SCMH1: variants seen among roughly 807,000 people sequenced by gnomAD.
SCMH1 encodes Scm polycomb group protein homolog 1.
Under a neutral mutation model 70.8 loss-of-function variants are expected in SCMH1, and 37 were observed. The ratio of observed to expected loss-of-function variants is 0.52; its 90% CI spans 0.40 to 0.69. SCMH1 has a LOEUF of 0.69. Among genes scored for constraint, SCMH1 ranks in the 30% least tolerant of loss-of-function variants. The pLI is 0.00. For synonymous variants in SCMH1, 292 were observed against 307.4 expected (o/e 0.95, Z 0.52); for missense variants, 607 against 827.3 (o/e 0.73, Z 3.27).
At chr1:41,133,059 T>C (rs1042247999) in intron 6 of SCMH1, among the ~76,000 whole-genome samples, 1 of 151,322 alleles carries the variant, frequency 6.6e-6, no homozygotes, top group African/African-American at 2.5e-5. Context: ...TTTAAAGTAG[T>C]TTTTTCCCAT....
rs1189673707 is a variant in SCMH1, at chr1:41,200,541, C to T, written c.-117-14291G>A. Reference sequence around the variant, plus strand: ...TATAATAATAATAATAATAATAATGCTTGTGAGGAAAACAGAGTTAGGAAT... The same window carrying T: ...TATAATAATAATAATAATAATAATGTTTGTGAGGAAAACAGAGTTAGGAAT... On this transcript the variant is annotated intron_variant, in intron 1 of 14. Transcript: ENST00000337495. Among the ~76,000 whole-genome samples, 5 of 148,418 alleles carry T rather than the reference C, an allele frequency of 3.4e-5. No individual in the cohort carries two copies. In the East Asian group the frequency reaches 9.8e-4, roughly 29 times the overall value.
intron 8 of SCMH1, among the ~76,000 whole-genome samples, chr1:41,083,127 C>T (rs964211105): frequency 6.6e-6 from 1 of 152,054 alleles, no homozygotes; most frequent in African/African-American, 2.4e-5. Context: ...CTGGCCAGGG[C>T]AATTAGGCAG....
intron 8 of SCMH1, among the ~76,000 whole-genome samples, chr1:41,104,355 T>G (rs537978641): frequency 6.6e-6 from 1 of 152,252 alleles, no homozygotes; most frequent in Non-Finnish European, 1.5e-5. Flanking sequence ...CGTGTGTTTA[T>G]GGAAGGAGGA....
intron 5 of SCMH1, among the ~76,000 whole-genome samples, chr1:41,144,390 A>C (rs1572571573): frequency 6.6e-6 from 1 of 152,334 alleles, no homozygotes; most frequent in East Asian, 1.9e-4. Context: ...TCTTTCATTT[A>C]GCAAAATGGA....
At chr1:41,181,292 G>C (rs910790696) in intron 2 of SCMH1, among the ~76,000 whole-genome samples, 2 of 152,144 alleles carry the variant, frequency 1.3e-5, no homozygotes, top group African/African-American at 4.8e-5. Context: ...GCATGGGCTA[G>C]GACTTCATGT....
At position 41,181,712 on chromosome 1, in the gene SCMH1, C is replaced by A. The variant is rs1362658015; in HGVS notation, c.13+4409G>T. Among the ~76,000 whole-genome samples the A allele has an allele frequency of 2.2e-4, 33 of 152,166 alleles. 1 individual carries two copies. The highest frequency in any genetic ancestry group is 1.7e-3 in the South Asian group (8 of 4,830). On this transcript the variant is annotated intron_variant, in intron 2 of 14. Transcript: ENST00000337495. ...AGTCAGGAAACAACAGGTGCTGGAG[C>A]GGATGTGGAGAAATAGGAACACTTT...
chr1:41,185,954 C>T (rs1572917421), intron 2 of SCMH1, 167 bp downstream of exon 2: 1 of 547,714 alleles, frequency 1.8e-6, no homozygotes, highest in Non-Finnish European at 2.9e-6. Context: ...AAACTTCAGA[C>T]CTCCTCTCCC....
chr1:41,028,681 C>A, exon 14 of SCMH1: 1 of 1,614,148 alleles, frequency 6.2e-7, no homozygotes, highest in Non-Finnish European at 8.5e-7. Flanking sequence ...GGGGTCCCGG[C>A]CACTCAGTCG....
chr1:41,071,604 C>G (rs1306530018), intron 9 of SCMH1, among the ~76,000 whole-genome samples: 1 of 152,102 alleles, frequency 6.6e-6, no homozygotes, highest in Non-Finnish European at 1.5e-5. Context: ...TTCCCCTACA[C>G]TGTTCAGGGC....
At chr1:41,073,120 T>TC (rs1169262029) in intron 9 of SCMH1, among the ~76,000 whole-genome samples, 1 of 152,212 alleles carries the variant, frequency 6.6e-6, no homozygotes, top group Non-Finnish European at 1.5e-5. Flanking sequence ...GAGTTTTGAA[T>TC]GATCTTAAAG....
At chr1:41,139,672 A>C (rs1174490690) in intron 6 of SCMH1, among the ~76,000 whole-genome samples, 1 of 152,120 alleles carries the variant, frequency 6.6e-6, no homozygotes, top group African/African-American at 2.4e-5. Flanking sequence ...TCACTAAATG[A>C]AAAAAGGCAG....
At chr1:41,170,198 T>A (rs892479106) in intron 2 of SCMH1, among the ~76,000 whole-genome samples, 1 of 152,166 alleles carries the variant, frequency 6.6e-6, no homozygotes, top group Non-Finnish European at 1.5e-5. Flanking sequence ...GTATGTCTAA[T>A]CCCCTCTGCT....
At chr1:41,137,411 A>C (rs111417418) in intron 6 of SCMH1, among the ~76,000 whole-genome samples, 12 of 152,288 alleles carry the variant, frequency 7.9e-5, no homozygotes, top group Admixed American at 2.0e-4. Flanking sequence ...CAGATCATTT[A>C]TAAGGATCTA....
chr1:41,117,651 T>C (rs1344092930), intron 6 of SCMH1, among the ~76,000 whole-genome samples: 1 of 152,220 alleles, frequency 6.6e-6, no homozygotes, highest in East Asian at 1.9e-4. Flanking sequence ...TTCGCCTTCA[T>C]GTTCCATCCT....
chr1:41,119,701 C>G (rs1192682998), intron 6 of SCMH1, among the ~76,000 whole-genome samples: 1 of 152,132 alleles, frequency 6.6e-6, no homozygotes, highest in Non-Finnish European at 1.5e-5. Flanking sequence ...AGTTTGGGCA[C>G]TGCTACATGG....
intron 2 of SCMH1, among the ~76,000 whole-genome samples, chr1:41,173,294 A>C (rs1472531089): frequency 6.6e-6 from 1 of 152,194 alleles, no homozygotes; most frequent in African/African-American, 2.4e-5. Context: ...TCTGATTTAA[A>C]CATAAACAAA....
At chr1:41,163,826 GA>G (rs940161581) in intron 2 of SCMH1, among the ~76,000 whole-genome samples, 2 of 152,004 alleles carry the variant, frequency 1.3e-5, no homozygotes, top group Non-Finnish European at 2.9e-5. Flanking sequence ...ATTATCATTA[GA>G]AAAAAACATA....
In SCMH1 at chr1:41,151,686, T is replaced by A. The variant is rs1350133251; in HGVS notation, c.107-2A>T. 1.9e-6 allele frequency: 3 copies of A among 1,608,228 alleles called. No individual in the cohort carries two copies. On this transcript the variant is annotated splice_acceptor_variant, in intron 4 of 14. Coordinates refer to ENST00000337495, the Ensembl canonical transcript of SCMH1. LOFTEE classifies it high-confidence loss of function. ...GGTATTTGTCCCAGGTAAAATGACC[T>A]GTAAAGGAAATAGAAATCTATATCA... is the stretch of plus-strand genomic sequence containing the variant.
chr1:41,203,618 G>A (rs924600592), intron 1 of SCMH1, among the ~76,000 whole-genome samples: 3 of 152,148 alleles, frequency 2.0e-5, no homozygotes, highest in Non-Finnish European at 2.9e-5. Flanking sequence ...TAACGCCCAC[G>A]CAGGAAGGTT....
Sources: gnomAD v4.1 joint callset for allele counts (sites outside exome capture counted in the v4.1 genomes callset) on GRCh38, gnomAD v4.1.1 for gene constraint, MANE v1.5 for transcripts, NCBI Gene and HGNC (gene_info 2026-07-23, HGNC 2026-07-21) for gene names.